Variants in NKAIN3 observed in about 807,000 individuals in gnomAD.
NKAIN3 encodes sodium/potassium transporting ATPase interacting 3.
A neutral mutation model predicts 30.2 loss-of-function variants in NKAIN3; 25 were observed. That is an observed-to-expected ratio of 0.83 (90% CI 0.60 to 1.16). The LOEUF (loss-of-function observed/expected upper bound fraction) is 1.16, where lower values mean the gene tolerates loss of function less well. Ranked by LOEUF, NKAIN3 falls within the 50% of genes most tolerant of loss-of-function variation. NKAIN3 has a pLI of 0.00. For synonymous variants in NKAIN3, 91 were observed against 89.6 expected (o/e 1.02, Z -0.09); for missense variants, 225 against 254.1 (o/e 0.89, Z 0.78).
chr8:62,371,612 T>G (rs1816910390), intron 1 of NKAIN3, among the ~76,000 whole-genome samples: 1 of 151,986 alleles, frequency 6.6e-6, no homozygotes, highest in African/African-American at 2.4e-5. Context: ...CAATATGGAT[T>G]TTAATTCTGG....
rs542785421 is a variant in NKAIN3 at position 62,935,948 on chromosome 8, T to C, written c.532+17435T>C. Among the ~76,000 whole-genome samples the C allele has an allele frequency of 2.4e-3, 366 of 152,238 alleles. 1 individual carries two copies. Among genetic ancestry groups the C allele is most frequent in the Non-Finnish European group, 4.1e-3 (277 of 68,020 alleles). On this transcript the variant is annotated intron_variant, in intron 5 of 6. Coordinates refer to ENST00000623646, the MANE Select transcript of NKAIN3 (RefSeq NM_001304533.3). ...CAAAAAAATTTAAAAACAAAAACTG[T>C]GTTTCATTTTAATAGCTGCAAAATT...
chr8:62,811,718 T>A (rs920466200), intron 4 of NKAIN3, among the ~76,000 whole-genome samples: 1 of 152,062 alleles, frequency 6.6e-6, no homozygotes, highest in Non-Finnish European at 1.5e-5. Context: ...TATATTTAGA[T>A]TTTTTTGCTT....
chr8:62,813,247 A>G (rs926780835), intron 4 of NKAIN3, among the ~76,000 whole-genome samples: 3 of 151,946 alleles, frequency 2.0e-5, no homozygotes, highest in Non-Finnish European at 4.4e-5. Context: ...TGGTTATTAT[A>G]GCTTTGTAGT....
At chr8:62,758,033 G>A (rs996435442) in intron 4 of NKAIN3, among the ~76,000 whole-genome samples, 5 of 152,176 alleles carry the variant, frequency 3.3e-5, no homozygotes, top group African/African-American at 1.2e-4. Context: ...TCTCCCCAGA[G>A]TGCCCTGGAA....
rs1411276198 is a variant in NKAIN3, at chr8:62,898,920, G to A, written c.472-19533G>A. The stretch of plus-strand genomic sequence containing the variant: ...TTATCCAGTTAGAAAATGGGCAAAA[G>A]ATCTGAATAGATATTTCTTAAAAGA... On this transcript the variant is annotated intron_variant, in intron 4 of 6. Transcript: ENST00000623646. Among the ~76,000 whole-genome samples, 3 of 151,342 alleles carry A rather than the reference G, an allele frequency of 2.0e-5. No homozygotes were observed. The East Asian group carries it at 5.9e-4, about 30-fold the overall frequency.
chr8:62,314,278 C>T (rs1814542042), intron 1 of NKAIN3, among the ~76,000 whole-genome samples: 1 of 152,122 alleles, frequency 6.6e-6, no homozygotes, highest in South Asian at 2.1e-4. Context: ...CCAGAAAATG[C>T]TCCTGGTGTA....
At chr8:62,792,606 G>C (rs1817739184) in intron 4 of NKAIN3, among the ~76,000 whole-genome samples, 1 of 17,920 alleles carries the variant, frequency 5.6e-5, no homozygotes, top group African/African-American at 1.7e-4. Context: ...ACCTTCAACA[G>C]GTAATAGTAG....
At chr8:62,268,628 C>T (rs1488783118) in intron 1 of NKAIN3, among the ~76,000 whole-genome samples, 1 of 152,144 alleles carries the variant, frequency 6.6e-6, no homozygotes, top group Non-Finnish European at 1.5e-5. Context: ...TTGTGCATAA[C>T]TCTTCATATT....
intron 1 of NKAIN3, among the ~76,000 whole-genome samples, chr8:62,421,638 C>T (rs1192125056): frequency 6.6e-6 from 1 of 151,170 alleles, no homozygotes; most frequent in Non-Finnish European, 1.5e-5. Context: ...CTCTCTCTCT[C>T]TGTATACATA....
At chr8:62,708,675 A>C (rs1312990604) in intron 3 of NKAIN3, among the ~76,000 whole-genome samples, 4 of 152,152 alleles carry the variant, frequency 2.6e-5, no homozygotes, top group Non-Finnish European at 5.9e-5. Flanking sequence ...AAACAATGAC[A>C]GTTTGACTTC....
intron 3 of NKAIN3, among the ~76,000 whole-genome samples, chr8:62,698,084 T>C (rs1204687957): frequency 6.7e-6 from 1 of 148,524 alleles, no homozygotes; most frequent in East Asian, 1.9e-4. Context: ...ATAAAGTGGA[T>C]CTAAAAGTAA....
intron 1 of NKAIN3, among the ~76,000 whole-genome samples, chr8:62,498,842 G>A (rs989994735): frequency 6.6e-6 from 1 of 151,802 alleles, no homozygotes; most frequent in African/African-American, 2.4e-5. Flanking sequence ...CTGACATGAA[G>A]CAACCAAATC....
At chr8:62,880,867 T>G (rs1454346451) in intron 4 of NKAIN3, among the ~76,000 whole-genome samples, 1 of 152,150 alleles carries the variant, frequency 6.6e-6, no homozygotes, top group Non-Finnish European at 1.5e-5. Flanking sequence ...TTAAATTTGA[T>G]TAAAGAGCAC....
intron 1 of NKAIN3, among the ~76,000 whole-genome samples, chr8:62,494,700 G>C (rs1003373153): frequency 6.6e-6 from 1 of 151,802 alleles, no homozygotes; most frequent in African/African-American, 2.4e-5. Flanking sequence ...GCTCATTCTT[G>C]GTTCAGGGAA....
intron 4 of NKAIN3, among the ~76,000 whole-genome samples, chr8:62,765,713 A>G (rs1816815701): frequency 6.6e-6 from 1 of 152,196 alleles, no homozygotes; most frequent in Non-Finnish European, 1.5e-5. Flanking sequence ...AGAAAGCTTT[A>G]AATCATATTC....
chr8:62,303,824 C>A (rs981877541), intron 1 of NKAIN3, among the ~76,000 whole-genome samples: 3 of 150,532 alleles, frequency 2.0e-5, no homozygotes, highest in Admixed American at 6.6e-5. Flanking sequence ...ATTTTTAATA[C>A]TGTAAGATTA....
intron 3 of NKAIN3, among the ~76,000 whole-genome samples, chr8:62,707,796 C>T (rs1563525293): frequency 1.3e-5 from 2 of 152,022 alleles, no homozygotes. Context: ...ATGAAATCCT[C>T]GCCAAAGCCA....
At chr8:62,398,628 A>C (rs1345657375) in intron 1 of NKAIN3, among the ~76,000 whole-genome samples, 2 of 152,258 alleles carry the variant, frequency 1.3e-5, no homozygotes, top group African/African-American at 2.4e-5. Flanking sequence ...GAGATTATTC[A>C]CATAGGTAGT....
At chr8:62,455,929 T>G (rs1805805659) in intron 1 of NKAIN3, among the ~76,000 whole-genome samples, 2 of 152,182 alleles carry the variant, frequency 1.3e-5, no homozygotes. Flanking sequence ...CTCAACCCTG[T>G]GTATACTATG....
Sources: allele counts gnomAD v4.1 joint callset (sites outside exome capture counted in the v4.1 genomes callset), GRCh38; gene constraint gnomAD v4.1.1; transcripts MANE v1.5; gene names NCBI Gene and HGNC (gene_info 2026-07-23, HGNC 2026-07-21).